The following CELSR2 variants were observed in gnomAD, a reference collection of about 807,000 sequenced individuals.
CELSR2 encodes EGF-like protein 2.
In CELSR2, 81 loss-of-function variants were observed where a neutral mutation model predicts 251.6. The ratio of observed to expected loss-of-function variants is 0.32; its 90% CI spans 0.27 to 0.39. CELSR2 has a LOEUF of 0.39. Ranked by LOEUF, CELSR2 falls within the 10% of genes least tolerant of loss-of-function variation. The probability of loss-of-function intolerance (pLI) is 1.00; values close to 1 mark genes in which losing one functional copy is unlikely to be tolerated. For missense variants in CELSR2, 3,365 were observed against 3,947.7 expected (o/e 0.85, Z 3.96); for synonymous variants, 1,721 against 1,670.5 (o/e 1.03, Z -0.74).
At chr1:109,273,716 C>A (rs1210686013) in intron 33 of CELSR2, 46 bp downstream of exon 33, 4 of 1,391,058 alleles carry the variant, frequency 2.9e-6, no homozygotes, top group Admixed American at 2.8e-5. Context: ...CCCTCGGAGG[C>A]CTCACCTGGG....
chr1:109,250,248 C>T lies in CELSR2; in HGVS notation c.169C>T (p.Leu57Phe), dbSNP rs1655643210. 3 of 1,611,226 alleles carry T rather than the reference C, an allele frequency of 1.9e-6. No individual in the cohort carries two copies. Among genetic ancestry groups the T allele is most frequent in the Non-Finnish European group, 2.5e-6 (3 of 1,178,928 alleles). Residue 57 changes from leucine (L) to phenylalanine (F), a missense_variant, in exon 1 of 34, where the codon CTC becomes TTC. Physicochemically the swap from Leu to Phe is conservative, Grantham distance 22 (BLOSUM62 0). Transcript: ENST00000271332. This position sits in a 1 kb window ranked among gnomAD's most constrained non-coding sequence, Gnocchi z 4.4. ...SSGACAPMGW[L>F]CPSSASNLWL... ...GGGGGCCTGCGCCCCCATGGGCTGG[C>T]TCTGTCCATCCTCAGCGTCGAACCT...
At chr1:109,273,377 C>G in intron 32 of CELSR2, 41 bp downstream of exon 32, 1 of 1,607,152 alleles carries the variant, frequency 6.2e-7, no homozygotes, top group East Asian at 2.2e-5. Context: ...CCCTAGTCAG[C>G]AGCCTCATAC....
intron 2 of CELSR2, among the ~76,000 whole-genome samples, chr1:109,260,231 G>C (rs979988547): frequency 2.0e-5 from 3 of 151,894 alleles, no homozygotes; most frequent in Non-Finnish European, 2.9e-5. Flanking sequence ...GGAAACAAGA[G>C]CCAGTCACTA....
intron 9 of CELSR2, 126 bp downstream of exon 9, chr1:109,263,903 G>C: frequency 7.1e-7 from 1 of 1,401,764 alleles, no homozygotes; most frequent in Non-Finnish European, 9.5e-7. Context: ...CGCTGGATCC[G>C]TTGGGAAGGT....
chr1:109,255,140 CT>C (rs1261403972), intron 1 of CELSR2, among the ~76,000 whole-genome samples: 1 of 152,238 alleles, frequency 6.6e-6, no homozygotes, highest in Non-Finnish European at 1.5e-5. Context: ...CCCTTCGGCC[CT>C]GACCCTTGGA....
At chr1:109,260,974 T>C (rs1656003547) in intron 2 of CELSR2, 68 bp from the exon 3 acceptor site, 3 of 1,256,934 alleles carry the variant, frequency 2.4e-6, no homozygotes, top group Admixed American at 1.8e-5. Context: ...ATCACTGGGT[T>C]GTGGGGGGTC....
Position 109,273,215 on chromosome 1 carries a change from C to T in CELSR2, c.8388C>T (p.Thr2796=). 6.2e-7 allele frequency: 1 copy of T among 1,613,652 alleles called. No homozygotes were observed. The highest frequency in any genetic ancestry group is 1.1e-5 in the South Asian group (1 of 91,028). Residue 2796 remains threonine (T), a synonymous_variant, in exon 32 of 34, where the codon ACC becomes ACT. Coordinates refer to ENST00000271332, the MANE Select transcript of CELSR2 (RefSeq NM_001408.3). ...CCCCCTGGCCAGGAGACTTTGGGAC[C>T]ACAGCAAAAGAGAGTAGTGGCAACG... is the stretch of plus-strand genomic sequence containing the variant. ...GKAPWPGDFG[T]TAKESSGNGA...
intron 13 of CELSR2, among the ~76,000 whole-genome samples, chr1:109,265,534 G>C (rs1407353610): frequency 6.6e-6 from 1 of 152,182 alleles, no homozygotes; most frequent in African/African-American, 2.4e-5. Context: ...GTGTGGTGGT[G>C]GTTTGCAGCC....
chr1:109,271,048 T>TAG lies in CELSR2; in HGVS notation c.7596+10_7596+11dup. 1 of 1,608,592 alleles carries TAG rather than the reference T, an allele frequency of 6.2e-7. No homozygotes were observed. The highest frequency in any genetic ancestry group is 8.5e-7 in the Non-Finnish European group (1 of 1,175,914). ...TGGCCTTTGCCGTCTCGGTGAGTGC[T>TAG]AGCAGGTGGGTTGGGTGTCACCTGT... On this transcript the variant is annotated intron_variant, in intron 25 of 33. Coordinates refer to ENST00000271332, the MANE Select transcript of CELSR2 (RefSeq NM_001408.3).
At position 109,263,654 on chromosome 1, in the gene CELSR2, C is replaced by G; in HGVS notation, c.4878C>G (p.Ala1626=). The G allele has an allele frequency of 6.2e-7, 1 of 1,614,042 alleles. No individual in the cohort carries two copies. The highest frequency in any genetic ancestry group is 8.5e-7 in the Non-Finnish European group (1 of 1,179,980). ...ACTTCCTGGGCAGCAGCCTGGTGGCCTGGCATGGCCTCTCGCTGCCCATCT... is the reference window on the plus strand; with the variant it reads ...ACTTCCTGGGCAGCAGCCTGGTGGCGTGGCATGGCCTCTCGCTGCCCATCT... ...PQHFLGSSLV[A]WHGLSLPISQ... Residue 1626 remains alanine, a synonymous_variant, in exon 9 of 34, where the codon GCC becomes GCG. Transcript: ENST00000271332.
At position 109,250,772 on chromosome 1, in the gene CELSR2, C is replaced by T. The variant is rs1557725644; in HGVS notation, c.693C>T (p.Phe231=). The T allele has an allele frequency of 6.2e-7, 1 of 1,614,138 alleles. No homozygotes were observed. Residue 231 remains phenylalanine (F), a synonymous_variant, in exon 1 of 34, where the codon TTC becomes TTT. Coordinates refer to ENST00000271332, the MANE Select transcript of CELSR2 (RefSeq NM_001408.3). This position sits in a 1 kb window ranked among gnomAD's most constrained non-coding sequence, Gnocchi z 4.4. ...TCTTTGATAGCCGCTCCAACCAGTT[C>T]TTCTCCCTGGACCCAGTCACTGGTG... The part of the protein sequence containing the change: ...DALFDSRSNQ[F]FSLDPVTGAV...
At chr1:109,260,156 G>T (rs1372389267) in intron 2 of CELSR2, among the ~76,000 whole-genome samples, 2 of 126,866 alleles carry the variant, frequency 1.6e-5, no homozygotes, top group African/African-American at 5.8e-5. Context: ...AGAAGTCTTT[G>T]TCCAGGAGGA....
chr1:109,260,104 A>C (rs1570782129), intron 2 of CELSR2, among the ~76,000 whole-genome samples: 2 of 79,238 alleles, frequency 2.5e-5, no homozygotes, highest in South Asian at 4.7e-4. Flanking sequence ...TGCTGCTGCT[A>C]GGGGTGGGGG....
chr1:109,255,141 T>C (rs6693893), intron 1 of CELSR2, among the ~76,000 whole-genome samples: 7,550 of 152,324 alleles, frequency 0.05, 238 homozygotes, highest in African/African-American at 0.081. Flanking sequence ...CCTTCGGCCC[T>C]GACCCTTGGA....
chr1:109,271,019 C>T lies in CELSR2; in HGVS notation c.7576C>T (p.Pro2526Ser). Residue 2526 changes from proline (P) to serine (S), a missense_variant, in exon 25 of 34, where the codon CCG becomes TCG. Pro to Ser is a moderately conservative substitution (Grantham distance 74, BLOSUM62 -1). Transcript: ENST00000271332. Reference sequence around the variant, plus strand: ...CACGCTCATCTGGAGTTTTGCTGGCCCGGTGGCCTTTGCCGTCTCGGTGAG... The same window carrying T: ...CACGCTCATCTGGAGTTTTGCTGGCTCGGTGGCCTTTGCCGTCTCGGTGAG... ...YDTLIWSFAG[P>S]VAFAVSMSVF... 1 of 1,613,762 alleles carries T rather than the reference C, an allele frequency of 6.2e-7. No homozygotes were observed. The highest frequency in any genetic ancestry group is 8.5e-7 in the Non-Finnish European group (1 of 1,179,926).
chr1:109,265,021 A>G lies in CELSR2; in HGVS notation c.5606+12A>G. On this transcript the variant is annotated intron_variant, in intron 12 of 33. Transcript: ENST00000271332. ...TACTGTGAGACCAGGTAAGCAGACC[A>G]GGGCATGTGGCAGCAGGTCCCAGTG... The G allele has an allele frequency of 2.5e-6, 4 of 1,614,100 alleles. No individual in the cohort carries two copies. Among genetic ancestry groups the G allele is most frequent in the Non-Finnish European group, 3.4e-6 (4 of 1,179,958 alleles).
chr1:109,258,817 C>T lies in CELSR2; in HGVS notation c.3696C>T (p.Cys1232=), dbSNP rs1458521936. Residue 1232 remains cysteine, a synonymous_variant, in exon 2 of 34, where the codon TGC becomes TGT. Coordinates refer to ENST00000271332, the MANE Select transcript of CELSR2 (RefSeq NM_001408.3). ...QRVLPFDDNI[C]LREPCENYMR... The stretch of plus-strand genomic sequence containing the variant: ...TGCTGCCCTTCGACGACAACATCTG[C>T]CTGCGGGAGCCCTGCGAGAACTACA... The T allele has an allele frequency of 6.2e-7, 1 of 1,612,078 alleles. No homozygotes were observed. The highest frequency in any genetic ancestry group is 8.5e-7 in the Non-Finnish European group (1 of 1,179,196).
Position 109,252,453 on chromosome 1 carries a change from A to G in CELSR2, c.2374A>G (p.Ile792Val), listed in dbSNP as rs1203285832. The G allele has an allele frequency of 6.2e-7, 1 of 1,613,744 alleles. No homozygotes were observed. The highest frequency in any genetic ancestry group is 1.7e-5 in the Admixed American group (1 of 60,030). The change falls in exon 1 of 34, where the codon ATT (isoleucine) becomes GTT (valine). Residue 792 changes from isoleucine (I) to valine (V), a missense_variant. Physicochemically the swap from Ile to Val is conservative, Grantham distance 29. This residue lies in a region of CELSR2 where 505 missense variants were observed against 660.0 expected (regional missense o/e 0.77). Transcript: ENST00000271332. The surrounding 1 kb of genome is among the most constrained non-coding windows in gnomAD (Gnocchi z 4.8). ...GGCCATTACTGCTCGGGACAATGGCATTCCCCAGAAGTCCGACACCACCTA... is the reference window on the plus strand; with the variant it reads ...GGCCATTACTGCTCGGGACAATGGCGTTCCCCAGAAGTCCGACACCACCTA... ...TLAITARDNG[I>V]PQKSDTTYLE...
In CELSR2 at chr1:109,252,492, G is replaced by A; in HGVS notation, c.2413G>A (p.Val805Met). 1 of 1,613,866 alleles carries A rather than the reference G, an allele frequency of 6.2e-7. No individual in the cohort carries two copies. The highest frequency in any genetic ancestry group is 8.5e-7 in the Non-Finnish European group (1 of 1,180,022). ...KSDTTYLEIL[V>M]NDVNDNAPQF... ...CGACACCACCTACCTGGAGATCCTGGTGAACGACGTGAATGACAATGCCCC... is the reference window on the plus strand; with the variant it reads ...CGACACCACCTACCTGGAGATCCTGATGAACGACGTGAATGACAATGCCCC... Residue 805 changes from valine to methionine, a missense_variant, in exon 1 of 34, where the codon GTG becomes ATG. Transcript: ENST00000271332. This position sits in a 1 kb window ranked among gnomAD's most constrained non-coding sequence, Gnocchi z 4.8.
Sources: allele counts gnomAD v4.1 joint callset (sites outside exome capture counted in the v4.1 genomes callset), GRCh38; gene constraint gnomAD v4.1.1; regional missense constraint gnomAD v4.1.1; non-coding constraint Gnocchi (gnomAD v3.1); transcripts MANE v1.5; gene names NCBI Gene and HGNC (gene_info 2026-07-23, HGNC 2026-07-21).